PTPRD: variants seen among roughly 807,000 people sequenced by gnomAD.
PTPRD encodes receptor-type tyrosine-protein phosphatase delta.
PTPRD carries 34 observed loss-of-function variants against 214.5 expected under a neutral mutation model. The ratio of observed to expected loss-of-function variants is 0.16; its 90% confidence interval spans 0.12 to 0.21. The LOEUF (loss-of-function observed/expected upper bound fraction) is 0.21, where lower values mean the gene tolerates loss of function less well. PTPRD is among the 10% of genes least tolerant of loss of function. The pLI is 1.00. For missense variants in PTPRD, 2,545 were observed against 2,398.7 expected (o/e 1.06, Z -1.27); for synonymous variants, 1,128 against 845.7 (o/e 1.33, Z -5.79).
At chr9:9,214,437 G>C (rs1355887404) in intron 9 of PTPRD, among the ~76,000 whole-genome samples, 1 of 151,744 alleles carries the variant, frequency 6.6e-6, no homozygotes, top group Non-Finnish European at 1.5e-5. Context: ...TGATGGAACA[G>C]TTTCTCTTGG....
chr9:9,285,141 T>C (rs1032262507), intron 9 of PTPRD, among the ~76,000 whole-genome samples: 2 of 151,814 alleles, frequency 1.3e-5, no homozygotes, highest in Non-Finnish European at 2.9e-5. Flanking sequence ...TTGAATAACA[T>C]TGTGTATTCT....
chr9:8,804,018 T>A (rs1052118848), intron 11 of PTPRD, among the ~76,000 whole-genome samples: 7 of 152,068 alleles, frequency 4.6e-5, no homozygotes, highest in East Asian at 1.9e-4. Context: ...AGTGGTGCAA[T>A]CTTGGCTCAC....
At position 10,158,775 on chromosome 9, in the gene PTPRD, T is replaced by C. The variant is rs1342341297; in HGVS notation, c.-544-124985A>G. 1.2e-4 allele frequency among the ~76,000 whole-genome samples: 19 copies of C among 152,274 alleles called. 1 individual carries two copies. The South Asian group carries it at 3.7e-3, about 30-fold the overall frequency. ...TACACCGTTAAAAATGAGATTGAGA[T>C]GGGCAACCAGCCTCCTCAGTACCTC... On this transcript the variant is annotated intron_variant, in intron 3 of 45. Coordinates refer to ENST00000381196, the MANE Select transcript of PTPRD (RefSeq NM_002839.4).
chr9:9,603,800 A>T (rs574782450), intron 7 of PTPRD, among the ~76,000 whole-genome samples: 1 of 152,054 alleles, frequency 6.6e-6, no homozygotes, highest in Non-Finnish European at 1.5e-5. Context: ...AAGTATATAG[A>T]AATCCTAGAA....
chr9:9,243,272 C>A (rs1452028246), intron 9 of PTPRD, among the ~76,000 whole-genome samples: 1 of 152,134 alleles, frequency 6.6e-6, no homozygotes, highest in African/African-American at 2.4e-5. Context: ...AAAGAGGAAT[C>A]CTCCCTAACT....
intron 7 of PTPRD, among the ~76,000 whole-genome samples, chr9:9,623,436 G>A (rs1025198779): frequency 3.3e-5 from 5 of 152,262 alleles, no homozygotes; most frequent in Admixed American, 6.5e-5. Context: ...GTATAACAAT[G>A]TGTCTTTTTC....
At chr9:9,736,864 T>A (rs2154446665) in intron 6 of PTPRD, among the ~76,000 whole-genome samples, 1 of 152,204 alleles carries the variant, frequency 6.6e-6, no homozygotes, top group Non-Finnish European at 1.5e-5. Context: ...TGTGAAAATC[T>A]GTTCCCTACT....
chr9:9,174,770 ATTG>A (rs1488624870), intron 10 of PTPRD, among the ~76,000 whole-genome samples: 1 of 152,176 alleles, frequency 6.6e-6, no homozygotes, highest in Non-Finnish European at 1.5e-5. Context: ...AATTTTAAAA[ATTG>A]TTATTATTTT....
intron 11 of PTPRD, among the ~76,000 whole-genome samples, chr9:8,890,314 G>A (rs1233445665): frequency 6.6e-6 from 1 of 152,188 alleles, no homozygotes; most frequent in Non-Finnish European, 1.5e-5. Flanking sequence ...TTCTTTTCCA[G>A]GCTTAATGTG....
At chr9:9,870,529 T>C (rs115800632) in intron 5 of PTPRD, among the ~76,000 whole-genome samples, 4,495 of 152,078 alleles carry the variant, frequency 0.03, 203 homozygotes, top group African/African-American at 0.1. Context: ...ATGTATTTCA[T>C]TTGAAATAAA....
At chr9:10,594,557 A>G (rs367969453) in intron 2 of PTPRD, among the ~76,000 whole-genome samples, 1 of 152,016 alleles carries the variant, frequency 6.6e-6, no homozygotes, top group African/African-American at 2.4e-5. Flanking sequence ...CTTCAATAAA[A>G]TGCTACATTT....
rs2099408199 is a variant in PTPRD, at chr9:8,999,164, ACT to A, written c.-104+19531_-104+19532del. 2.6e-5 allele frequency among the ~76,000 whole-genome samples: 4 copies of A among 152,190 alleles called. No homozygotes were observed. The South Asian group carries it at 8.3e-4, about 32-fold the overall frequency. On this transcript the variant is annotated intron_variant, in intron 11 of 45. Coordinates refer to ENST00000381196, the MANE Select transcript of PTPRD (RefSeq NM_002839.4). ...GCAGTGGCAGGATTTAAGCAGATTG[ACT>A]CTAGTTTTGAAAGATATTCTACCAT...
chr9:8,919,559 A>T (rs1022057647), intron 11 of PTPRD, among the ~76,000 whole-genome samples: 13 of 152,168 alleles, frequency 8.5e-5, no homozygotes, highest in African/African-American at 3.1e-4. Flanking sequence ...TAATGAGGGC[A>T]TTGTGTGCAC....
At chr9:9,775,940 G>A (rs1399350984) in intron 5 of PTPRD, among the ~76,000 whole-genome samples, 8 of 105,528 alleles carry the variant, frequency 7.6e-5, no homozygotes, top group African/African-American at 3.0e-4. Context: ...GGGCAACAGA[G>A]CAAGACTCTG....
At chr9:8,726,444 C>A (rs1157643190) in intron 12 of PTPRD, among the ~76,000 whole-genome samples, 1 of 148,996 alleles carries the variant, frequency 6.7e-6, no homozygotes, top group Admixed American at 6.7e-5. Context: ...AAAAATTAGC[C>A]AAGAAGGCCG....
intron 3 of PTPRD, among the ~76,000 whole-genome samples, chr9:10,102,921 T>A (rs1040061167): frequency 4.0e-5 from 6 of 151,774 alleles, no homozygotes; most frequent in African/African-American, 1.4e-4. Flanking sequence ...ACATTCATTA[T>A]CATAATAATT....
At chr9:10,543,477 TATACACACACAC>T in intron 2 of PTPRD, among the ~76,000 whole-genome samples, 1 of 141,400 alleles carries the variant, frequency 7.1e-6, no homozygotes, top group Admixed American at 7.4e-5. Context: ...AATATATATA[TATACACACACAC>T]ACACACACAC....
intron 33 of PTPRD, among the ~76,000 whole-genome samples, chr9:8,453,411 G>A (rs183378875): frequency 7.9e-5 from 12 of 152,286 alleles, no homozygotes; most frequent in African/African-American, 2.2e-4. Context: ...TGATCCACCC[G>A]CCTCAGCCTC....
At chr9:9,509,509 T>C (rs2096649084) in intron 8 of PTPRD, among the ~76,000 whole-genome samples, 1 of 151,492 alleles carries the variant, frequency 6.6e-6, no homozygotes, top group Non-Finnish European at 1.5e-5. Context: ...GATCACCTGC[T>C]TTCTGTTGAC....
Sources: allele counts gnomAD v4.1 joint callset (sites outside exome capture counted in the v4.1 genomes callset), GRCh38; gene constraint gnomAD v4.1.1; transcripts MANE v1.5; gene names NCBI Gene and HGNC (gene_info 2026-07-23, HGNC 2026-07-21).